The following TAFA2 variants were observed in gnomAD, a reference collection of about 807,000 sequenced individuals.
TAFA2 encodes the protein chemokine-like protein TAFA-2.
Under a neutral mutation model 18.8 loss-of-function variants are expected in TAFA2, and 7 were observed. The ratio of observed to expected loss-of-function variants is 0.37; its 90% CI spans 0.21 to 0.70. The LOEUF (loss-of-function observed/expected upper bound fraction) is 0.70. Among genes scored for constraint, TAFA2 ranks in the 30% least tolerant of loss-of-function variants. The pLI, the probability that TAFA2 is intolerant of heterozygous loss-of-function variation, is 0.53. For missense variants in TAFA2, 122 were observed against 158.1 expected (o/e 0.77, Z 1.23); for synonymous variants, 60 against 54.2 (o/e 1.11, Z -0.47).
chr12:62,211,963 T>C lies in TAFA2; in HGVS notation c.-130+46800A>G, dbSNP rs180796249. Among the ~76,000 whole-genome samples the C allele has an allele frequency of 2.8e-3, 434 of 152,354 alleles. 1 individual carries two copies. Among genetic ancestry groups the C allele is most frequent in the African/African-American group, 9.9e-3 (412 of 41,588 alleles). ...AACAATTATAGTAACTATTCTACTT[T>C]ACATTTCAAAGTAAATACATCCCAA... is the stretch of plus-strand genomic sequence containing the variant. On this transcript the variant is annotated intron_variant, in intron 1 of 5. Transcript: ENST00000551619.
At chr12:62,086,477 C>T (rs759451724) in intron 1 of TAFA2, among the ~76,000 whole-genome samples, 8 of 152,002 alleles carry the variant, frequency 5.3e-5, no homozygotes, top group Non-Finnish European at 1.0e-4. Context: ...AATTTAAAAA[C>T]GGACAAAGAC....
At chr12:62,096,223 C>G (rs547013890) in intron 1 of TAFA2, among the ~76,000 whole-genome samples, 1 of 152,204 alleles carries the variant, frequency 6.6e-6, no homozygotes, top group East Asian at 1.9e-4. Context: ...GGATTCCTGT[C>G]TTGGTGCCAG....
At chr12:62,158,327 G>A (rs1308323408) in intron 1 of TAFA2, among the ~76,000 whole-genome samples, 1 of 152,174 alleles carries the variant, frequency 6.6e-6, no homozygotes, top group African/African-American at 2.4e-5. Context: ...CAGTATCTCA[G>A]ATCATAAATG....
chr12:61,929,480 G>A (rs1877458543), intron 1 of TAFA2, among the ~76,000 whole-genome samples: 1 of 152,090 alleles, frequency 6.6e-6, no homozygotes, highest in Non-Finnish European at 1.5e-5. Context: ...AGTTAGAATG[G>A]CAATCATTAA....
intron 1 of TAFA2, among the ~76,000 whole-genome samples, chr12:62,085,860 G>A (rs58311514): frequency 0.017 from 2,550 of 152,218 alleles, 58 homozygotes; most frequent in African/African-American, 0.057. Context: ...TGGTGGAGGT[G>A]ACTAGATCAT....
intron 1 of TAFA2, among the ~76,000 whole-genome samples, chr12:62,100,685 A>T (rs1279795608): frequency 6.6e-6 from 1 of 152,234 alleles, no homozygotes; most frequent in East Asian, 1.9e-4. Flanking sequence ...AATGTCAAGC[A>T]CTGCACTAGG....
chr12:61,848,148 C>T (rs939694887), intron 2 of TAFA2, among the ~76,000 whole-genome samples: 1 of 152,184 alleles, frequency 6.6e-6, no homozygotes, highest in Non-Finnish European at 1.5e-5. Flanking sequence ...TCAAAATACT[C>T]CTACAGATAC....
chr12:61,859,428 G>T (rs553353185), intron 2 of TAFA2, among the ~76,000 whole-genome samples: 1 of 109,298 alleles, frequency 9.1e-6, no homozygotes, highest in African/African-American at 3.0e-5. Flanking sequence ...ACCAGACAAA[G>T]CAATATTTTG....
In TAFA2 at chr12:62,075,538, G is replaced by A. The variant is rs188663264; in HGVS notation, c.-2+115721C>T. On this transcript the variant is annotated intron_variant, in intron 1 of 4. Coordinates refer to ENST00000416284, the MANE Select transcript of TAFA2 (RefSeq NM_178539.5). ...CAGCTAGACTGGTCACATCAGACCT[G>A]TTCCTAGACAACTATAAGGAGTGAA... is the stretch of plus-strand genomic sequence containing the variant. 4.1e-4 allele frequency among the ~76,000 whole-genome samples: 62 copies of A among 152,222 alleles called. 1 individual carries two copies. The East Asian group carries it at 0.01, about 25-fold the overall frequency.
intron 1 of TAFA2, chr12:62,207,374 A>G (rs1451585667): frequency 1.3e-5 from 2 of 152,184 alleles, no homozygotes; most frequent in East Asian, 3.9e-4. Context: ...GCTGATCCTA[A>G]GAGTTACATT....
At chr12:62,089,999 C>T (rs956143752) in intron 1 of TAFA2, among the ~76,000 whole-genome samples, 3 of 152,046 alleles carry the variant, frequency 2.0e-5, no homozygotes, top group Non-Finnish European at 2.9e-5. Context: ...TTATCTTTCA[C>T]GTGTTATGTG....
intron 1 of TAFA2, chr12:62,234,581 A>T: frequency 8.5e-6 from 7 of 822,824 alleles, no homozygotes. Context: ...CGGAAGAAAG[A>T]CCATAAACAC....
chr12:62,089,771 T>C (rs1184595863), intron 1 of TAFA2, among the ~76,000 whole-genome samples: 1 of 152,104 alleles, frequency 6.6e-6, no homozygotes, highest in African/African-American at 2.4e-5. Flanking sequence ...ATTAGAAGGC[T>C]AGGTGAAGCC....
At chr12:61,972,687 T>A (rs542966603) in intron 1 of TAFA2, among the ~76,000 whole-genome samples, 1 of 151,692 alleles carries the variant, frequency 6.6e-6, no homozygotes, top group Non-Finnish European at 1.5e-5. Context: ...AAAGATCAAA[T>A]AACTTGTACC....
intron 1 of TAFA2, among the ~76,000 whole-genome samples, chr12:61,894,988 T>C (rs767181019): frequency 5.9e-5 from 9 of 152,188 alleles, no homozygotes; most frequent in Non-Finnish European, 1.0e-4. Flanking sequence ...TCCACCTTCA[T>C]TGTTTTTGAA....
chr12:62,103,801 G>A (rs936165494), intron 1 of TAFA2, among the ~76,000 whole-genome samples: 1 of 151,742 alleles, frequency 6.6e-6, no homozygotes, highest in Non-Finnish European at 1.5e-5. Flanking sequence ...AACTGGAGGG[G>A]CAGGATGGTA....
rs1166380873 is a variant in TAFA2, at chr12:61,709,371, A to AT, written c.*1034dup. ...TTTTTTCTATCAACAGATTGAACAA[A>AT]TATATAAGCATTCAAACAGTCATTG... On this transcript the variant is annotated 3_prime_UTR_variant, in exon 5 of 5. Coordinates refer to ENST00000416284, the MANE Select transcript of TAFA2 (RefSeq NM_178539.5). 1 of 152,172 alleles carries AT rather than the reference A, an allele frequency of 6.6e-6. No individual in the cohort carries two copies. The highest frequency in any genetic ancestry group is 6.6e-5 in the Admixed American group (1 of 15,240). The allele number at this position is 152,172 out of a possible 1,614,324, so 9.4% of individuals were successfully genotyped here. A position where few individuals can be genotyped will look rare whatever the true frequency, so the allele number is the denominator to read the frequency against.
At chr12:61,720,949 A>G (rs922500939) in intron 4 of TAFA2, 1 of 517,350 alleles carries the variant, frequency 1.9e-6, no homozygotes, top group African/African-American at 1.9e-5. Flanking sequence ...CATGTCAGGC[A>G]CTCCACTGTT....
At chr12:62,045,975 G>A (rs1175582336) in intron 1 of TAFA2, among the ~76,000 whole-genome samples, 1 of 152,116 alleles carries the variant, frequency 6.6e-6, no homozygotes, top group Non-Finnish European at 1.5e-5. Flanking sequence ...AATGAGAACT[G>A]TGATCCAAAA....
Sources: gnomAD v4.1 joint callset for allele counts (sites outside exome capture counted in the v4.1 genomes callset) on GRCh38, gnomAD v4.1.1 for gene constraint, MANE v1.5 for transcripts, NCBI Gene and HGNC (gene_info 2026-07-23, HGNC 2026-07-21) for gene names.